CSTF3: variants seen among roughly 807,000 people sequenced by gnomAD.
CSTF3 encodes the protein cleavage stimulation factor subunit 3.
A neutral mutation model predicts 105.8 loss-of-function variants in CSTF3; 29 were observed. The ratio of observed to expected loss-of-function variants is 0.27; its 90% CI spans 0.20 to 0.37. The LOEUF is 0.37. Ranked by LOEUF, CSTF3 falls within the 10% of genes least tolerant of loss-of-function variation. CSTF3 has a pLI of 1.00. For missense variants in CSTF3, 357 were observed against 879.3 expected, an observed-to-expected ratio of 0.41 and a Z score of 7.51; for synonymous variants, 252 against 281.9, an observed-to-expected ratio of 0.89 and a Z score of 1.06.
chr11:33,088,993 C>T (rs1055331775), intron 17 of CSTF3, among the ~76,000 whole-genome samples: 2 of 152,142 alleles, frequency 1.3e-5, no homozygotes, highest in Non-Finnish European at 2.9e-5. Context: ...CTAGCAATTG[C>T]ACAAAGTACA....
At chr11:33,156,981 T>C (rs1024766185) in intron 1 of CSTF3, among the ~76,000 whole-genome samples, 1 of 152,068 alleles carries the variant, frequency 6.6e-6, no homozygotes, top group Non-Finnish European at 1.5e-5. Context: ...TAACAGCATA[T>C]TAAATGCCTT....
At chr11:33,142,571 A>G (rs11032165) in intron 1 of CSTF3, among the ~76,000 whole-genome samples, 31,509 of 152,120 alleles carry the variant, frequency 0.21, 3,904 homozygotes, top group East Asian at 0.35. Context: ...ATTAAATACT[A>G]TAAAACAGCA....
At chr11:33,145,459 A>T (rs974587545) in intron 1 of CSTF3, among the ~76,000 whole-genome samples, 2 of 152,124 alleles carry the variant, frequency 1.3e-5, no homozygotes, top group Non-Finnish European at 2.9e-5. Context: ...TTTAAAAATA[A>T]AAAAAAGGGC....
At chr11:33,122,653 G>T (rs1270499875) in intron 3 of CSTF3, among the ~76,000 whole-genome samples, 1 of 152,066 alleles carries the variant, frequency 6.6e-6, no homozygotes, top group Non-Finnish European at 1.5e-5. Flanking sequence ...GGTGGCTCAA[G>T]CCTGTAATCC....
At chr11:33,132,568 C>A (rs977143652) in intron 3 of CSTF3, among the ~76,000 whole-genome samples, 1 of 152,074 alleles carries the variant, frequency 6.6e-6, no homozygotes, top group East Asian at 1.9e-4. Context: ...ACTTGGAATA[C>A]CTGTTATTTA....
chr11:33,114,291 G>GC (rs908477738), intron 3 of CSTF3, among the ~76,000 whole-genome samples: 3 of 152,098 alleles, frequency 2.0e-5, no homozygotes, highest in Non-Finnish European at 4.4e-5. Context: ...AAATAAATGA[G>GC]TTTTTCCTAA....
intron 17 of CSTF3, 25 bp downstream of exon 17, chr11:33,090,507 C>T: frequency 7.1e-7 from 1 of 1,413,214 alleles, no homozygotes; most frequent in Non-Finnish European, 9.4e-7. Flanking sequence ...TGAGGACACT[C>T]CACATCTTGA....
intron 3 of CSTF3, among the ~76,000 whole-genome samples, chr11:33,132,664 A>G (rs1855611443): frequency 6.6e-6 from 1 of 152,254 alleles, no homozygotes; most frequent in South Asian, 2.1e-4. Flanking sequence ...ATGGATAAGC[A>G]ATCTGACATC....
intron 3 of CSTF3, among the ~76,000 whole-genome samples, chr11:33,140,652 T>C (rs1209516449): frequency 1.3e-5 from 2 of 152,084 alleles, no homozygotes; most frequent in Non-Finnish European, 2.9e-5. Flanking sequence ...CCAAAGCCCT[T>C]TGAATAGGTC....
intron 3 of CSTF3, among the ~76,000 whole-genome samples, chr11:33,110,881 T>TAA (rs58887421): frequency 2.0e-5 from 3 of 149,504 alleles, no homozygotes; most frequent in African/African-American, 7.3e-5. Flanking sequence ...GCTATTCTAA[T>TAA]AAAAAAAAAA....
At chr11:33,093,419 T>G (rs916337340) in intron 15 of CSTF3, among the ~76,000 whole-genome samples, 1 of 152,198 alleles carries the variant, frequency 6.6e-6, no homozygotes, top group African/African-American at 2.4e-5. Flanking sequence ...TTTACCTGGC[T>G]AACTACCACT....
intron 1 of CSTF3, among the ~76,000 whole-genome samples, chr11:33,149,226 A>G (rs1370486021): frequency 6.6e-6 from 1 of 152,254 alleles, no homozygotes; most frequent in African/African-American, 2.4e-5. Context: ...GAATTAGCAG[A>G]AGTATCAGTT....
chr11:33,124,021 A>C (rs1855519939), intron 3 of CSTF3, among the ~76,000 whole-genome samples: 1 of 152,108 alleles, frequency 6.6e-6, no homozygotes, highest in Non-Finnish European at 1.5e-5. Context: ...TCAAAACCGT[A>C]TTCCAAAAAC....
At chr11:33,129,456 G>T (rs911886076) in intron 3 of CSTF3, among the ~76,000 whole-genome samples, 7 of 151,652 alleles carry the variant, frequency 4.6e-5, no homozygotes, top group African/African-American at 1.7e-4. Flanking sequence ...TGGTGGGGGG[G>T]TCTACAAAGT....
At chr11:33,143,569 T>C (rs4756074) in intron 1 of CSTF3, among the ~76,000 whole-genome samples, 6 of 151,870 alleles carry the variant, frequency 4.0e-5, no homozygotes, top group South Asian at 2.1e-4. Context: ...GGCTAACATG[T>C]TGAAACCCAG....
At chr11:33,088,837 T>A (rs2133768007) in intron 17 of CSTF3, among the ~76,000 whole-genome samples, 1 of 152,116 alleles carries the variant, frequency 6.6e-6, no homozygotes, top group East Asian at 2.0e-4. Flanking sequence ...CAGGCTGGTC[T>A]TGAACTCCTG....
chr11:33,131,407 GA>G (rs1336829484), intron 3 of CSTF3, among the ~76,000 whole-genome samples: 1 of 152,026 alleles, frequency 6.6e-6, no homozygotes, highest in African/African-American at 2.4e-5. Flanking sequence ...CCTGATCAAA[GA>G]AAGAGTCAGT....
chr11:33,146,594 TTAAA>T (rs1289115257), intron 1 of CSTF3, among the ~76,000 whole-genome samples: 7 of 139,962 alleles, frequency 5.0e-5, no homozygotes, highest in Admixed American at 4.5e-4. Flanking sequence ...AAAGGACCAA[TTAAA>T]TAAATTATGG....
intron 1 of CSTF3, 127 bp downstream of exon 1, chr11:33,161,172 T>G: frequency 1.1e-6 from 1 of 941,562 alleles, no homozygotes; most frequent in South Asian, 1.5e-5. Flanking sequence ...CCCACCACTC[T>G]TCTATATACC....
Sources: allele counts gnomAD v4.1 joint callset (sites outside exome capture counted in the v4.1 genomes callset), GRCh38; gene constraint gnomAD v4.1.1; transcripts MANE v1.5; gene names NCBI Gene and HGNC (gene_info 2026-07-23, HGNC 2026-07-21).